Variants in KIF1A observed in about 807,000 individuals in gnomAD.
The protein encoded by KIF1A is kinesin family member 1A.
Under a neutral mutation model 227.3 loss-of-function variants are expected in KIF1A, and 46 were observed. That is an observed-to-expected ratio of 0.20 (90% confidence interval 0.16 to 0.26). The LOEUF (loss-of-function observed/expected upper bound fraction) is 0.26, where lower values mean the gene tolerates loss of function less well. Ranked by LOEUF, KIF1A falls within the 10% of genes least tolerant of loss-of-function variation. The pLI is 1.00. For synonymous variants in KIF1A, 1,022 were observed against 1,012.8 expected, an observed-to-expected ratio of 1.01 and a Z score of -0.17; for missense variants, 1,683 against 2,485.9, an observed-to-expected ratio of 0.68 and a Z score of 6.87.
chr2:240,772,221 C>G (rs1327010516), intron 14 of KIF1A, among the ~76,000 whole-genome samples: 1 of 152,194 alleles, frequency 6.6e-6, no homozygotes, highest in Non-Finnish European at 1.5e-5. Context: ...TGCTGATATC[C>G]TGACCTTCGC....
At position 240,785,040 on chromosome 2, in the gene KIF1A, G is replaced by A. The variant is rs752564183; in HGVS notation, c.669C>T (p.Ile223=). ...CGTCATGGCGCTTCTGGGTGAAGAT[G>A]ATGTTGAAGACGGCGTGGGAGCGAC... ...TSSRSHAVFN[I]IFTQKRHDAE... is the part of the protein sequence containing the mutation. Residue 223 remains isoleucine (I), a synonymous_variant, in exon 7 of 49, where the codon ATC becomes ATT. Transcript: ENST00000498729. 1.2e-6 allele frequency: 2 copies of A among 1,613,618 alleles called. No homozygotes were observed. The highest frequency in any genetic ancestry group is 2.2e-5 in the South Asian group (2 of 91,086).
chr2:240,809,329 A>G (rs922676322), intron 1 of KIF1A, among the ~76,000 whole-genome samples: 1 of 152,236 alleles, frequency 6.6e-6, no homozygotes, highest in South Asian at 2.1e-4. Context: ...AACACGCCCT[A>G]TGATCTCGAG....
In KIF1A at chr2:240,757,337, A is replaced by T; in HGVS notation, c.2840T>A (p.Leu947Gln). ...GRDPFYDRPP[L>Q]FSLVGRAFVY... ...CACCAACCTTCCTACTAAACTGAAC[A>T]GGGGGGGCCGGTCGTAAAACGGGTC... The change falls in exon 27 of 49, where the codon CTG becomes CAG. Residue 947 changes from leucine to glutamine, a missense_variant. Leu to Gln is a moderately radical substitution (Grantham distance 113). Around this residue, in one of 12 missense-constraint regions of KIF1A, gnomAD observed 759 missense variants for 1,020.2 expected, o/e 0.74. Coordinates refer to ENST00000498729, the MANE Select transcript of KIF1A (RefSeq NM_001244008.2). The surrounding 1 kb of genome is among the most constrained non-coding windows in gnomAD (Gnocchi z 6.2). The T allele has an allele frequency of 6.4e-7, 1 of 1,550,512 alleles. No homozygotes were observed. Among genetic ancestry groups the T allele is most frequent in the Non-Finnish European group, 8.7e-7 (1 of 1,146,970 alleles).
intron 1 of KIF1A, among the ~76,000 whole-genome samples, chr2:240,801,777 C>G (rs1299632726): frequency 6.6e-6 from 1 of 152,186 alleles, no homozygotes; most frequent in Non-Finnish European, 1.5e-5. Flanking sequence ...CGTCTAGGAG[C>G]CAGAAAGCAG....
Position 240,775,715 on chromosome 2 carries a change from C to T in KIF1A, c.958+136G>A. ...AAGGGCCACGAACTGACTGGACCCT[C>T]CAGGTTCACCTCCCAGCCTCAGCCC... On this transcript the variant is annotated intron_variant, in intron 11 of 48. Transcript: ENST00000498729. The surrounding 1 kb of genome is among the most constrained non-coding windows in gnomAD (Gnocchi z 5.5). 1.5e-6 allele frequency: 1 copy of T among 661,608 alleles called. No individual in the cohort carries two copies. The highest frequency in any genetic ancestry group is 3.2e-4 in the Middle Eastern group (1 of 3,124). 41.0% of individuals were successfully genotyped at this position (661,608 alleles called of 1,614,324 possible).
At chr2:240,781,757 G>C (rs1007819276) in intron 10 of KIF1A, 1 of 985,046 alleles carries the variant, frequency 1.0e-6, no homozygotes, top group Admixed American at 6.2e-5. Context: ...TCCCCACACA[G>C]TTCCCCACAG....
In KIF1A at chr2:240,721,087, G is replaced by A. The variant is rs201295754; in HGVS notation, c.4744-49C>T. 4.0e-4 allele frequency: 636 copies of A among 1,602,084 alleles called. 2 individuals are homozygous for A. The highest frequency in any genetic ancestry group is 3.8e-3 in the East Asian group (168 of 44,474). On this transcript the variant is annotated intron_variant, in intron 44 of 48. Coordinates refer to ENST00000498729, the MANE Select transcript of KIF1A (RefSeq NM_001244008.2). ...GGGGACACAGGGAAGGGGGGTCTCC[G>A]GCCTCTGTGGGAGCTGCTCCCTGTG...
intron 42 of KIF1A, among the ~76,000 whole-genome samples, chr2:240,722,890 G>A (rs934355431): frequency 4.6e-5 from 7 of 152,184 alleles, no homozygotes; most frequent in Non-Finnish European, 8.8e-5. Context: ...TGGGCAGCAA[G>A]CAAGCTGCTC....
At chr2:240,769,545 A>C in intron 16 of KIF1A, 82 bp downstream of exon 16, 1 of 1,160,754 alleles carries the variant, frequency 8.6e-7, no homozygotes, top group Admixed American at 2.0e-5. Flanking sequence ...ACTGGAGGGC[A>C]GGGCTCAGTG....
Position 240,779,525 on chromosome 2 carries a change from G to C in KIF1A, c.882+3065C>G, listed in dbSNP as rs578148964. ...TCAGTTCCACACTCAGTTCCTCACA[G>C]TTCCACACTCAGTTCCTCATAGTTC... On this transcript the variant is annotated intron_variant, in intron 10 of 48. Coordinates refer to ENST00000498729, the MANE Select transcript of KIF1A (RefSeq NM_001244008.2). Among the ~76,000 whole-genome samples, 311 of 139,730 alleles carry C rather than the reference G, an allele frequency of 2.2e-3. 6 individuals are homozygous for C. The highest frequency in any genetic ancestry group is 8.4e-3 in the African/African-American group (304 of 36,228). The allele number at this position is 139,730 out of a possible 152,430, so 91.7% of individuals were successfully genotyped here.
In KIF1A at chr2:240,725,776, TG is replaced by T. The variant is rs2045942575; in HGVS notation, c.4123-373del. 5.1e-6 allele frequency: 1 copy of T among 195,704 alleles called. No individual in the cohort carries two copies. The highest frequency in any genetic ancestry group is 1.0e-5 in the Non-Finnish European group (1 of 96,572). The allele number at this position is 195,704 out of a possible 1,614,324, so 12.1% of individuals were successfully genotyped here. A position where few individuals can be genotyped will look rare whatever the true frequency, so the allele number is the denominator to read the frequency against. On this transcript the variant is annotated intron_variant, in intron 39 of 48. Transcript: ENST00000498729. This position sits in a 1 kb window ranked among gnomAD's most constrained non-coding sequence, Gnocchi z 5.8. ...AGGATCAAACCAGGTCTTGTTTGAA[TG>T]TGCACATTTTAACCCAAACACCACA...
At chr2:240,729,739 A>G (rs139031596) in intron 38 of KIF1A, among the ~76,000 whole-genome samples, 111 of 152,326 alleles carry the variant, frequency 7.3e-4, no homozygotes, top group African/African-American at 2.6e-3. Context: ...GTGGACTAGA[A>G]TCTCTCTGAG....
chr2:240,783,942 C>T lies in KIF1A; in HGVS notation c.721-126G>A, dbSNP rs1487985379. 4.6e-5 allele frequency: 33 copies of T among 719,918 alleles called. No individual in the cohort carries two copies. In the East Asian group the frequency reaches 5.8e-4, roughly 13 times the overall value. 44.6% of individuals were successfully genotyped at this position (719,918 alleles called of 1,614,324 possible). A position where few individuals can be genotyped will look rare whatever the true frequency, so the allele number is the denominator to read the frequency against. ...GCCAAGCGTCCCCTCTGCAAGGCGC[C>T]GCCCCTCCCCAGGCCCAGCAGTCCT... On this transcript the variant is annotated intron_variant, in intron 7 of 48. Coordinates refer to ENST00000498729, the MANE Select transcript of KIF1A (RefSeq NM_001244008.2).
At chr2:240,779,508 ACACT>A (rs1207258805) in intron 10 of KIF1A, among the ~76,000 whole-genome samples, 1 of 137,282 alleles carries the variant, frequency 7.3e-6, no homozygotes, top group Non-Finnish European at 1.6e-5. Flanking sequence ...ACTCAGTTCC[ACACT>A]CAGTTCCTCA....
At chr2:240,809,418 C>G (rs2057688990) in intron 1 of KIF1A, among the ~76,000 whole-genome samples, 1 of 152,086 alleles carries the variant, frequency 6.6e-6, no homozygotes, top group Non-Finnish European at 1.5e-5. Flanking sequence ...AGAAGGGACC[C>G]CAGGAACAGA....
At chr2:240,800,471 G>A (rs1248426238) in intron 1 of KIF1A, among the ~76,000 whole-genome samples, 2 of 152,208 alleles carry the variant, frequency 1.3e-5, no homozygotes, top group Non-Finnish European at 2.9e-5. Flanking sequence ...CTGCCAAGAC[G>A]GGAGCTGGCC....
intron 29 of KIF1A, 100 bp from the exon 30 acceptor site, chr2:240,746,277 A>G: frequency 4.2e-6 from 6 of 1,430,614 alleles, no homozygotes; most frequent in Non-Finnish European, 5.7e-6. Flanking sequence ...TGCCACCCAG[A>G]GCCTGGGCTG....
At chr2:240,741,490 A>G (rs1012013629) in intron 34 of KIF1A, 113 bp from the exon 35 acceptor site, 18 of 740,426 alleles carry the variant, frequency 2.4e-5, no homozygotes, top group Middle Eastern at 2.9e-4. Flanking sequence ...CAGCAAGGGC[A>G]CCTCCCCCTC....
intron 10 of KIF1A, among the ~76,000 whole-genome samples, chr2:240,777,972 C>G (rs996272918): frequency 3.9e-5 from 6 of 152,206 alleles, no homozygotes; most frequent in East Asian, 3.9e-4. Context: ...CCCGCACGCT[C>G]AAGCACTCAG....
Sources: allele counts gnomAD v4.1 joint callset (sites outside exome capture counted in the v4.1 genomes callset), GRCh38; gene constraint gnomAD v4.1.1; regional missense constraint gnomAD v4.1.1; non-coding constraint Gnocchi (gnomAD v3.1); transcripts MANE v1.5; gene names NCBI Gene and HGNC (gene_info 2026-07-23, HGNC 2026-07-21).